The following PXDNL variants were observed in gnomAD, a reference collection of about 807,000 sequenced individuals.
PXDNL encodes the protein peroxidasin like.
Under a neutral mutation model 150.8 loss-of-function variants are expected in PXDNL, and 145 were observed. The ratio of observed to expected loss-of-function variants is 0.96; its 90% CI spans 0.84 to 1.10. PXDNL has a LOEUF of 1.10. Among genes scored for constraint, PXDNL ranks in the 50% least tolerant of loss-of-function variants. The pLI is 0.00. For missense variants in PXDNL, 2,087 were observed against 1,873.9 expected (o/e 1.11, Z -2.10); for synonymous variants, 757 against 725.7 (o/e 1.04, Z -0.69).
chr8:51,786,769 A>G (rs1422962603), intron 1 of PXDNL, among the ~76,000 whole-genome samples: 1 of 152,224 alleles, frequency 6.6e-6, no homozygotes, highest in Admixed American at 6.5e-5. Flanking sequence ...AAGTGGCCAC[A>G]CTAAACAACA....
At chr8:51,581,827 A>G (rs1223915381) in intron 3 of PXDNL, among the ~76,000 whole-genome samples, 3 of 152,160 alleles carry the variant, frequency 2.0e-5, no homozygotes, top group African/African-American at 7.2e-5. Context: ...AGAATTCAGC[A>G]GTGAAGCCAT....
chr8:51,536,385 T>G (rs565507092), intron 4 of PXDNL, among the ~76,000 whole-genome samples: 7,208 of 152,310 alleles, frequency 0.047, 282 homozygotes, highest in East Asian at 0.22. Flanking sequence ...TGCTTAATTA[T>G]ATACACAAAG....
chr8:51,740,603 G>A (rs1051573426), intron 1 of PXDNL, among the ~76,000 whole-genome samples: 5 of 151,876 alleles, frequency 3.3e-5, no homozygotes, highest in Non-Finnish European at 5.9e-5. Context: ...TTTTTCATAT[G>A]TTTGTTGGCT....
At chr8:51,512,527 C>G (rs1811444295) in intron 4 of PXDNL, among the ~76,000 whole-genome samples, 1 of 152,184 alleles carries the variant, frequency 6.6e-6, no homozygotes, top group Non-Finnish European at 1.5e-5. Flanking sequence ...ATGAATATAA[C>G]ACACTCCATT....
chr8:51,757,917 A>T (rs547180374), intron 1 of PXDNL, among the ~76,000 whole-genome samples: 8 of 152,334 alleles, frequency 5.3e-5, no homozygotes, highest in African/African-American at 1.9e-4. Flanking sequence ...AAGAAATTTA[A>T]AAAATGTAAT....
chr8:51,371,364 C>G (rs146043971), intron 19 of PXDNL, among the ~76,000 whole-genome samples: 2 of 152,164 alleles, frequency 1.3e-5, no homozygotes, highest in South Asian at 2.1e-4. Context: ...AAGTTTGGTT[C>G]GTAAACGGTG....
intron 4 of PXDNL, among the ~76,000 whole-genome samples, chr8:51,529,148 T>C (rs1222271985): frequency 6.6e-6 from 1 of 152,176 alleles, no homozygotes; most frequent in Non-Finnish European, 1.5e-5. Context: ...ATCCCAGTTG[T>C]ATATACACAA....
At chr8:51,586,582 A>C (rs1043402879) in intron 3 of PXDNL, among the ~76,000 whole-genome samples, 1 of 152,186 alleles carries the variant, frequency 6.6e-6, no homozygotes, top group African/African-American at 2.4e-5. Context: ...TCAAGCTTAC[A>C]CTATTAAAGG....
At chr8:51,413,353 C>T (rs1808707119) in intron 14 of PXDNL, 95 bp from the exon 15 acceptor site, 1 of 704,926 alleles carries the variant, frequency 1.4e-6, no homozygotes, top group Non-Finnish European at 2.4e-6. Flanking sequence ...AATGTAATGC[C>T]ATTACATTTA....
At chr8:51,550,832 G>C (rs1471581669) in intron 4 of PXDNL, among the ~76,000 whole-genome samples, 3 of 152,094 alleles carry the variant, frequency 2.0e-5, no homozygotes, top group Non-Finnish European at 4.4e-5. Flanking sequence ...TCAGACAAGA[G>C]AAAGAAAGAA....
chr8:51,492,609 T>G (rs1202671670), intron 5 of PXDNL, among the ~76,000 whole-genome samples: 1 of 152,140 alleles, frequency 6.6e-6, no homozygotes, highest in Non-Finnish European at 1.5e-5. Flanking sequence ...CCAATAGTCT[T>G]AGCAAATGGC....
intron 6 of PXDNL, among the ~76,000 whole-genome samples, chr8:51,483,293 T>A (rs189855020): frequency 5.3e-5 from 8 of 151,920 alleles, no homozygotes; most frequent in African/African-American, 1.9e-4. Flanking sequence ...GCCCGAGGAG[T>A]CAGACTTTCT....
intron 17 of PXDNL, among the ~76,000 whole-genome samples, chr8:51,381,940 A>AT (rs1563384115): frequency 6.6e-6 from 1 of 151,798 alleles, no homozygotes; most frequent in Admixed American, 6.6e-5. Context: ...ACAATAGTGA[A>AT]TTTTTTTATT....
chr8:51,509,260 A>G (rs1475760726), intron 4 of PXDNL, among the ~76,000 whole-genome samples: 1 of 152,206 alleles, frequency 6.6e-6, no homozygotes, highest in Non-Finnish European at 1.5e-5. Context: ...TACAACATTT[A>G]TGTGTCAAAT....
chr8:51,467,541 T>A (rs1810229574), intron 8 of PXDNL, among the ~76,000 whole-genome samples: 1 of 152,004 alleles, frequency 6.6e-6, no homozygotes, highest in Non-Finnish European at 1.5e-5. Flanking sequence ...TGGGTAGTGG[T>A]TCTGTCATAT....
At chr8:51,477,566 T>C (rs1810508584) in intron 6 of PXDNL, among the ~76,000 whole-genome samples, 1 of 152,228 alleles carries the variant, frequency 6.6e-6, no homozygotes. Context: ...TGTTCGAAGT[T>C]CACATTTATA....
At chr8:51,410,480 G>C (rs933785673) in intron 16 of PXDNL, among the ~76,000 whole-genome samples, 3 of 152,178 alleles carry the variant, frequency 2.0e-5, no homozygotes, top group African/African-American at 7.2e-5. Flanking sequence ...TGGGTGACCA[G>C]GGACAGTCAA....
At chr8:51,466,179 T>C (rs1810200902) in intron 8 of PXDNL, among the ~76,000 whole-genome samples, 1 of 151,952 alleles carries the variant, frequency 6.6e-6, no homozygotes, top group Non-Finnish European at 1.5e-5. Context: ...AAACAAAACA[T>C]GGTGCTAGTA....
intron 6 of PXDNL, among the ~76,000 whole-genome samples, chr8:51,480,493 G>A (rs1810576730): frequency 6.6e-6 from 1 of 152,140 alleles, no homozygotes; most frequent in Non-Finnish European, 1.5e-5. Context: ...CACCCAGCCA[G>A]GAAGGATCTG....
Sources: gnomAD v4.1 joint callset for allele counts (sites outside exome capture counted in the v4.1 genomes callset) on GRCh38, gnomAD v4.1.1 for gene constraint, MANE v1.5 for transcripts, NCBI Gene and HGNC (gene_info 2026-07-23, HGNC 2026-07-21) for gene names.